Variants in CCNE1 observed in about 807,000 individuals in gnomAD.
CCNE1 encodes the protein cyclin E1.
Under a neutral mutation model 54.1 loss-of-function variants are expected in CCNE1, and 8 were observed. The ratio of observed to expected loss-of-function variants is 0.15; its 90% CI spans 0.09 to 0.27. The LOEUF is 0.27. Ranked by LOEUF, CCNE1 falls within the 10% of genes least tolerant of loss-of-function variation. The pLI, the probability that CCNE1 is intolerant of heterozygous loss-of-function variation, is 1.00. For synonymous variants in CCNE1, 179 were observed against 185.2 expected, an observed-to-expected ratio of 0.97 and a Z score of 0.27; for missense variants, 430 against 514.9, an observed-to-expected ratio of 0.84 and a Z score of 1.60.
At position 29,822,452 on chromosome 19, in the gene CCNE1, A is replaced by C. The variant is rs1974173205; in HGVS notation, c.959A>C (p.Gln320Pro). The change falls in exon 11 of 12, where the codon CAG (glutamine) becomes CCG (proline). Residue 320 changes from glutamine to proline, a missense_variant. By Grantham distance (76) the Gln-to-Pro change is moderately conservative (BLOSUM62 -1). This residue lies in a region of CCNE1 where 303 missense variants were observed against 401.1 expected (regional missense o/e 0.76). Coordinates refer to ENST00000262643, the MANE Select transcript of CCNE1 (RefSeq NM_001238.4). ...CACGATGTCTTCACTGCAGGGTATC[A>C]GTGGTGCGACATAGAGAACTGTGTC... ...SELMQKVSGY[Q>P]WCDIENCVKW... 6.2e-7 allele frequency: 1 copy of C among 1,614,034 alleles called. No homozygotes were observed. The highest frequency in any genetic ancestry group is 1.3e-5 in the African/African-American group (1 of 75,048).
rs1568372693 is a variant in CCNE1, at chr19:29,823,961, GT to G, written c.*192del. The G allele has an allele frequency of 1.7e-5, 10 of 584,968 alleles. No individual in the cohort carries two copies. Among genetic ancestry groups the G allele is most frequent in the South Asian group, 3.9e-5 (1 of 25,726 alleles). The allele number at this position is 584,968 out of a possible 1,614,324, so 36.2% of individuals were successfully genotyped here. On this transcript the variant is annotated 3_prime_UTR_variant, in exon 12 of 12. Coordinates refer to ENST00000262643, the MANE Select transcript of CCNE1 (RefSeq NM_001238.4). ...AGTGTTTTTTATTGAATGCTTATAG[GT>G]TTTTTTTAAATAAGTGGGTCAAGTA... is the stretch of plus-strand genomic sequence containing the variant.
Position 29,817,268 on chromosome 19 carries a change from G to A in CCNE1, c.312G>A (p.Pro104=), listed in dbSNP as rs200655498. ...PRIIAPSRGS[P]LPVLSWANRE... is the part of the protein sequence containing the mutation. ...TTATTGCACCATCCAGAGGCTCCCC[G>A]CTGCCTGTACTGAGGTCAGTGCCGA... The change falls in exon 5 of 12, where the codon CCG becomes CCA. Residue 104 remains proline, a synonymous_variant. Transcript: ENST00000262643. 11 of 1,614,098 alleles carry A rather than the reference G, an allele frequency of 6.8e-6. No individual in the cohort carries two copies. Among genetic ancestry groups the A allele is most frequent in the Non-Finnish European group, 7.6e-6 (9 of 1,180,026 alleles).
In CCNE1 at chr19:29,817,516, C is replaced by A. The variant is rs1974051920; in HGVS notation, c.437C>A (p.Ala146Glu). The A allele has an allele frequency of 6.2e-7, 1 of 1,614,208 alleles. No homozygotes were observed. The highest frequency in any genetic ancestry group is 8.5e-7 in the Non-Finnish European group (1 of 1,180,030). Reference protein sequence around the residue: ...QHPLLQPKMRAILLDWLMEVC... With the variant: ...QHPLLQPKMREILLDWLMEVC... Reference sequence around the variant, plus strand: ...CCTCTTCTGCAGCCAAAAATGCGAGCAATTCTTCTGGATTGGTTAATGGAG... The same window carrying A: ...CCTCTTCTGCAGCCAAAAATGCGAGAAATTCTTCTGGATTGGTTAATGGAG... Residue 146 changes from alanine (A) to glutamate (E), a missense_variant, in exon 6 of 12, where the codon GCA becomes GAA. Ala to Glu is a moderately radical substitution (Grantham distance 107, BLOSUM62 -1). Around this residue, in one of 2 missense-constraint regions of CCNE1, gnomAD observed 303 missense variants for 401.1 expected, o/e 0.76. Coordinates refer to ENST00000262643, the MANE Select transcript of CCNE1 (RefSeq NM_001238.4).
rs1163986151 is a variant in CCNE1, at chr19:29,821,730, T to C, written c.618T>C (p.Tyr206=). 2.5e-6 allele frequency: 4 copies of C among 1,603,004 alleles called. No homozygotes were observed. Among genetic ancestry groups the C allele is most frequent in the Admixed American group, 3.3e-5 (2 of 59,938 alleles). Residue 206 remains tyrosine, a synonymous_variant, in exon 8 of 12, where the codon TAT becomes TAC. Transcript: ENST00000262643. ...LFIAAKLEEI[Y]PPKLHQFAYV... ...CTTTTATTTCCTTTCAGGAAATCTA[T>C]CCTCCAAAGTTGCACCAGTTTGCGT...
intron 6 of CCNE1, among the ~76,000 whole-genome samples, chr19:29,820,426 T>C (rs1480360646): frequency 1.3e-5 from 2 of 151,956 alleles, no homozygotes; most frequent in Admixed American, 6.6e-5. Flanking sequence ...TGGCGGGTGC[T>C]GGTAATTCCA....
At position 29,820,816 on chromosome 19, in the gene CCNE1, A is replaced by G. The variant is rs760913241; in HGVS notation, c.577A>G (p.Ile193Val). The G allele has an allele frequency of 1.2e-6, 2 of 1,601,360 alleles. No individual in the cohort carries two copies. Among genetic ancestry groups the G allele is most frequent in the Non-Finnish European group, 1.7e-6 (2 of 1,170,836 alleles). ...VVKTLLQLIGISSLFIAAKLE... is the reference protein window; with the variant it reads ...VVKTLLQLIGVSSLFIAAKLE... Reference sequence around the variant, plus strand: ...AAAAACTCTTTTACAGCTTATTGGGATTTCATCTTTATTTATTGCAGCCAA... The same window carrying G: ...AAAAACTCTTTTACAGCTTATTGGGGTTTCATCTTTATTTATTGCAGCCAA... Residue 193 changes from isoleucine (I) to valine (V), a missense_variant, in exon 7 of 12, where the codon ATT becomes GTT. By Grantham distance (29) the Ile-to-Val change is conservative. Transcript: ENST00000262643.
rs1231827332 is a variant in CCNE1 at position 29,822,328 on chromosome 19, C to A, written c.929C>A (p.Ser310Tyr). 6.2e-7 allele frequency: 1 copy of A among 1,613,944 alleles called. No individual in the cohort carries two copies. The highest frequency in any genetic ancestry group is 8.5e-7 in the Non-Finnish European group (1 of 1,179,916). The change falls in exon 10 of 12, where the codon TCT (serine) becomes TAT (tyrosine). Residue 310 changes from serine (S) to tyrosine (Y), a missense_variant. Around this residue, in one of 2 missense-constraint regions of CCNE1, gnomAD observed 303 missense variants for 401.1 expected, o/e 0.76. Coordinates refer to ENST00000262643, the MANE Select transcript of CCNE1 (RefSeq NM_001238.4). ...TCGGCCTTGTATCATTTCTCGTCATCTGAATTGATGCAAAAGGTTTCAGGT... is the reference window on the plus strand; with the variant it reads ...TCGGCCTTGTATCATTTCTCGTCATATGAATTGATGCAAAAGGTTTCAGGT... ...AASALYHFSSSELMQKVSGYQ... is the reference protein window; with the variant it reads ...AASALYHFSSYELMQKVSGYQ...
rs1411284279 is a variant in CCNE1, at chr19:29,822,008, C to T, written c.718C>T (p.Arg240Cys). The change falls in exon 9 of 12, where the codon CGT becomes TGT. Residue 240 changes from arginine to cysteine, a missense_variant. Arg to Cys is a radical substitution (Grantham distance 180). Around this residue, in one of 2 missense-constraint regions of CCNE1, gnomAD observed 303 missense variants for 401.1 expected, o/e 0.76. Coordinates refer to ENST00000262643, the MANE Select transcript of CCNE1 (RefSeq NM_001238.4). ...ELMIMKALKW[R>C]LSPLTIVSWL... is the part of the protein sequence containing the mutation. ...TGTTTTCCTTTAGGCCCTTAAGTGG[C>T]GTTTAAGTCCCCTGACTATTGTGTC... 1.2e-6 allele frequency: 2 copies of T among 1,610,038 alleles called. No homozygotes were observed. Among genetic ancestry groups the T allele is most frequent in the Admixed American group, 1.7e-5 (1 of 59,184 alleles).
At position 29,821,319 on chromosome 19, in the gene CCNE1, C is replaced by CCT. The variant is rs556423264; in HGVS notation, c.610-403_610-402insCT. On this transcript the variant is annotated intron_variant, in intron 7 of 11. Transcript: ENST00000262643. ...AGAGAATTGCTGGAGCCCAGGTGGC[C>CCT]GAGGTTGCAGTGAGTCGAGATCCTA... Among the ~76,000 whole-genome samples, 400 of 152,100 alleles carry CCT rather than the reference C, an allele frequency of 2.6e-3. 1 individual carries two copies. The highest frequency in any genetic ancestry group is 4.8e-3 in the Non-Finnish European group (323 of 67,984).
At chr19:29,817,360 T>C in intron 5 of CCNE1, 46 bp from the exon 6 acceptor site, 1 of 1,613,758 alleles carries the variant, frequency 6.2e-7, no homozygotes, top group Non-Finnish European at 8.5e-7. Flanking sequence ...ATGGACGCAT[T>C]CTTACCCCTT....
chr19:29,818,120 G>A (rs1023480309), intron 6 of CCNE1, among the ~76,000 whole-genome samples: 6 of 149,446 alleles, frequency 4.0e-5, no homozygotes, highest in East Asian at 2.0e-4. Flanking sequence ...TCCTCCTCCC[G>A]GGTTCATGCC....
chr19:29,813,759 A>G (rs1379922371), intron 4 of CCNE1, among the ~76,000 whole-genome samples: 1 of 152,198 alleles, frequency 6.6e-6, no homozygotes, highest in Non-Finnish European at 1.5e-5. Flanking sequence ...AATCATTATA[A>G]TATCAGAAGT....
chr19:29,812,737 C>T lies in CCNE1; in HGVS notation c.72C>T (p.Phe24=), dbSNP rs778672861. ...TGAAGGAGGACGGCGGCGCGGAGTT[C>T]TCGGCTCGCTCCAGGAAGAGGAAGG... ...DTMKEDGGAE[F]SARSRKRKAN... Residue 24 remains phenylalanine (F), a synonymous_variant, in exon 3 of 12, where the codon TTC becomes TTT. Coordinates refer to ENST00000262643, the MANE Select transcript of CCNE1 (RefSeq NM_001238.4). 6.3e-7 allele frequency: 1 copy of T among 1,594,902 alleles called. No homozygotes were observed. Among genetic ancestry groups the T allele is most frequent in the Admixed American group, 1.8e-5 (1 of 55,392 alleles).
chr19:29,821,370 G>A (rs1011372007), intron 7 of CCNE1, among the ~76,000 whole-genome samples: 2 of 152,124 alleles, frequency 1.3e-5, no homozygotes, highest in Non-Finnish European at 2.9e-5. Context: ...CTGGGCAACA[G>A]AGGGAAATTC....
intron 3 of CCNE1, 44 bp from the exon 4 acceptor site, chr19:29,812,925 G>A (rs905253353): frequency 3.1e-6 from 5 of 1,610,860 alleles, no homozygotes; most frequent in Non-Finnish European, 3.4e-6. Flanking sequence ...TTTTTGTCTT[G>A]TTTGGTGTGT....
In CCNE1 at chr19:29,824,293, A is replaced by G. The variant is rs181434503; in HGVS notation, c.*516A>G. ...TATATCTATCCATTTTTTAATAAAG[A>G]TAATACTGTTTTTGAGACAGCTGGT... On this transcript the variant is annotated 3_prime_UTR_variant, in exon 12 of 12. Transcript: ENST00000262643. 1.8e-4 allele frequency: 41 copies of G among 230,412 alleles called. No individual in the cohort carries two copies. The highest frequency in any genetic ancestry group is 7.4e-4 in the Admixed American group (13 of 17,610). 14.3% of individuals were successfully genotyped at this position (230,412 alleles called of 1,614,324 possible). A position where few individuals can be genotyped will look rare whatever the true frequency, so the allele number is the denominator to read the frequency against.
chr19:29,824,235 A>G lies in CCNE1; in HGVS notation c.*458A>G, dbSNP rs1974225865. On this transcript the variant is annotated 3_prime_UTR_variant, in exon 12 of 12. Coordinates refer to ENST00000262643, the MANE Select transcript of CCNE1 (RefSeq NM_001238.4). Reference sequence around the variant, plus strand: ...TCCACATTATCAGTTGACAGTGTACAATGCCTTTGATGAACTGTTTTGTAA... The same window carrying G: ...TCCACATTATCAGTTGACAGTGTACGATGCCTTTGATGAACTGTTTTGTAA... The G allele has an allele frequency of 4.1e-6, 1 of 241,888 alleles. No homozygotes were observed. Among genetic ancestry groups the G allele is most frequent in the Non-Finnish European group, 8.1e-6 (1 of 123,806 alleles). 15.0% of individuals were successfully genotyped at this position (241,888 alleles called of 1,614,324 possible).
At chr19:29,812,326 G>A (rs1380877155) in intron 1 of CCNE1, among the ~76,000 whole-genome samples, 174 bp downstream of exon 1, 11 of 149,164 alleles carry the variant, frequency 7.4e-5, no homozygotes, top group Non-Finnish European at 1.6e-4. Flanking sequence ...GAGGCAGCCC[G>A]GGCCCCGGGA....
intron 8 of CCNE1, 31 bp from the exon 9 acceptor site, chr19:29,821,965 A>G (rs371228987): frequency 6.3e-7 from 1 of 1,595,936 alleles, no homozygotes; most frequent in Non-Finnish European, 8.5e-7. Context: ...TTTCTCAATC[A>G]TCGGTCTCTT....
Sources: gnomAD v4.1 joint callset for allele counts (sites outside exome capture counted in the v4.1 genomes callset) on GRCh38, gnomAD v4.1.1 for gene constraint, gnomAD v4.1.1 regional missense constraint, MANE v1.5 for transcripts, NCBI Gene and HGNC (gene_info 2026-07-23, HGNC 2026-07-21) for gene names.